VRK2: variants seen among roughly 807,000 people sequenced by gnomAD.
VRK2 encodes VRK serine/threonine kinase 2.
A neutral mutation model predicts 57.6 loss-of-function variants in VRK2; 60 were observed. The ratio of observed to expected loss-of-function variants is 1.04; its 90% confidence interval spans 0.85 to 1.29. The LOEUF is 1.29. VRK2 is among the 50% of genes most tolerant of loss of function. The pLI is 0.00. For synonymous variants in VRK2, 231 were observed against 199.2 expected, an observed-to-expected ratio of 1.16 and a Z score of -1.35; for missense variants, 705 against 588.1, an observed-to-expected ratio of 1.20 and a Z score of -2.06.
intron 2 of VRK2, among the ~76,000 whole-genome samples, chr2:58,057,978 A>G (rs529827782): frequency 3.3e-5 from 5 of 152,256 alleles, no homozygotes; most frequent in South Asian, 4.1e-4. Flanking sequence ...TGCAAAATCA[A>G]TCATTGAAAA....
intron 8 of VRK2, among the ~76,000 whole-genome samples, chr2:58,124,779 T>G (rs1438701844): frequency 6.6e-6 from 1 of 152,164 alleles, no homozygotes; most frequent in East Asian, 1.9e-4. Context: ...TTCATAGGCT[T>G]GATTTTCTGA....
At chr2:57,935,498 A>G (rs1336251749) in intron 1 of VRK2, among the ~76,000 whole-genome samples, 1 of 152,066 alleles carries the variant, frequency 6.6e-6, no homozygotes, top group African/African-American at 2.4e-5. Context: ...TGCTTTTCCT[A>G]TCCTTAGGTA....
At chr2:57,997,450 C>T (rs1672959645) in intron 1 of VRK2, among the ~76,000 whole-genome samples, 1 of 151,870 alleles carries the variant, frequency 6.6e-6, no homozygotes, top group African/African-American at 2.4e-5. Flanking sequence ...ATTGAAGTGA[C>T]GGATTATTTT....
chr2:57,959,830 G>A (rs1432333167), intron 1 of VRK2, among the ~76,000 whole-genome samples: 1 of 152,140 alleles, frequency 6.6e-6, no homozygotes, highest in Non-Finnish European at 1.5e-5. Context: ...CAGTTAGGAT[G>A]CAAAGAAAAC....
chr2:58,043,512 T>A (rs1674547377), upstream of VRK2, among the ~76,000 whole-genome samples: 1 of 152,204 alleles, frequency 6.6e-6, no homozygotes, highest in Non-Finnish European at 1.5e-5. Flanking sequence ...CCTTTGTGTC[T>A]TCTTTTACAT....
chr2:58,105,136 T>C (rs1420458985), intron 7 of VRK2, among the ~76,000 whole-genome samples: 2 of 151,862 alleles, frequency 1.3e-5, no homozygotes, highest in African/African-American at 4.8e-5. Context: ...AAAGCTCTTG[T>C]GGACATTGGT....
intron 7 of VRK2, among the ~76,000 whole-genome samples, chr2:58,122,405 C>T (rs932635632): frequency 6.6e-6 from 1 of 152,102 alleles, no homozygotes; most frequent in African/African-American, 2.4e-5. Flanking sequence ...TCGAGTAATA[C>T]ATATTCTATA....
chr2:57,940,143 A>G (rs1409303129), intron 1 of VRK2, among the ~76,000 whole-genome samples: 2 of 152,134 alleles, frequency 1.3e-5, no homozygotes, highest in Non-Finnish European at 2.9e-5. Flanking sequence ...TATTATGATG[A>G]ATTGGCTCAT....
At chr2:58,147,286 G>C (rs988308252) in intron 12 of VRK2, 3 of 442,280 alleles carry the variant, frequency 6.8e-6, no homozygotes, top group Admixed American at 6.8e-5. Context: ...AAGCCTGCAA[G>C]TTTATCCAGA....
At chr2:57,949,414 CT>C (rs1226408560) in intron 1 of VRK2, among the ~76,000 whole-genome samples, 1 of 152,096 alleles carries the variant, frequency 6.6e-6, no homozygotes, top group African/African-American at 2.4e-5. Flanking sequence ...ATACTTCAAA[CT>C]TTTTTATTAT....
At chr2:58,056,404 T>G (rs1242795021) in intron 2 of VRK2, among the ~76,000 whole-genome samples, 2 of 152,152 alleles carry the variant, frequency 1.3e-5, no homozygotes, top group African/African-American at 2.4e-5. Flanking sequence ...CAGGAGAGTG[T>G]GCCATACAGT....
chr2:58,150,864 C>T (rs1682917303), intron 12 of VRK2, among the ~76,000 whole-genome samples: 1 of 150,996 alleles, frequency 6.6e-6, no homozygotes, highest in Non-Finnish European at 1.5e-5. Flanking sequence ...TTTCTAATGT[C>T]CCTTGATTTA....
At chr2:57,953,983 G>A (rs536655194) in intron 1 of VRK2, among the ~76,000 whole-genome samples, 2 of 152,178 alleles carry the variant, frequency 1.3e-5, no homozygotes, top group South Asian at 4.1e-4. Context: ...CTTTTCCCAT[G>A]TTATATTCTC....
intron 12 of VRK2, chr2:58,154,810 T>C: frequency 1.4e-6 from 1 of 717,238 alleles, no homozygotes; most frequent in East Asian, 2.7e-5. Flanking sequence ...AATGTAAGTA[T>C]TCCATGCTAT....
chr2:57,955,360 T>C (rs916008788), intron 1 of VRK2, among the ~76,000 whole-genome samples: 2 of 152,140 alleles, frequency 1.3e-5, no homozygotes, highest in Non-Finnish European at 2.9e-5. Flanking sequence ...TATCTAAATA[T>C]ATGCAAACAC....
At chr2:57,959,662 C>T (rs34188630) in intron 1 of VRK2, among the ~76,000 whole-genome samples, 2,601 of 152,252 alleles carry the variant, frequency 0.017, 32 homozygotes, top group Non-Finnish European at 0.029. Flanking sequence ...CCAGTTTGTT[C>T]CTCTTCATGC....
intron 1 of VRK2, among the ~76,000 whole-genome samples, chr2:57,967,257 G>A (rs182892334): frequency 0.01 from 1,534 of 152,186 alleles, 10 homozygotes; most frequent in Non-Finnish European, 0.016. Flanking sequence ...ATAGCATTAG[G>A]AGAAATACCT....
chr2:58,141,196 T>C (rs1387453563), intron 11 of VRK2, among the ~76,000 whole-genome samples: 6 of 152,040 alleles, frequency 3.9e-5, no homozygotes, highest in African/African-American at 1.4e-4. Context: ...ACGTAGTATT[T>C]TCGTTGCAAT....
intron 12 of VRK2, among the ~76,000 whole-genome samples, chr2:58,152,741 AAC>A (rs1167563459): frequency 2.0e-5 from 3 of 151,372 alleles, no homozygotes; most frequent in Non-Finnish European, 3.0e-5. Flanking sequence ...GCATTTTTTT[AAC>A]AGTTTATTTT....
Sources: gnomAD v4.1 joint callset for allele counts (sites outside exome capture counted in the v4.1 genomes callset) on GRCh38, gnomAD v4.1.1 for gene constraint, MANE v1.5 for transcripts, NCBI Gene and HGNC (gene_info 2026-07-23, HGNC 2026-07-21) for gene names.